The following STK31 variants were observed in gnomAD, a reference collection of about 807,000 sequenced individuals.
STK31 encodes the protein serine/threonine-protein kinase 31.
Under a neutral mutation model 129.7 loss-of-function variants are expected in STK31, and 89 were observed. That is an observed-to-expected ratio of 0.69 (90% confidence interval 0.58 to 0.82). STK31 has a LOEUF of 0.82. Among genes scored for constraint, STK31 ranks in the 40% least tolerant of loss-of-function variants. STK31 has a pLI of 0.00. For synonymous variants in STK31, 448 were observed against 395.3 expected, an observed-to-expected ratio of 1.13 and a Z score of -1.58; for missense variants, 1,187 against 1,176.4, an observed-to-expected ratio of 1.01 and a Z score of -0.13.
At chr7:23,825,211 G>C (rs1255215032) in intron 23 of STK31, among the ~76,000 whole-genome samples, 1 of 152,182 alleles carries the variant, frequency 6.6e-6, no homozygotes, top group South Asian at 2.1e-4. Flanking sequence ...GAATTTAGCT[G>C]TGAATCCATC....
At chr7:23,808,564 G>A (rs913070721) in intron 22 of STK31, among the ~76,000 whole-genome samples, 1 of 152,082 alleles carries the variant, frequency 6.6e-6, no homozygotes, top group Non-Finnish European at 1.5e-5. Flanking sequence ...TGGCTGCTGG[G>A]TGGGAGTGGA....
chr7:23,811,258 G>T, intron 22 of STK31: 1 of 372,572 alleles, frequency 2.7e-6, no homozygotes, highest in South Asian at 2.7e-5. Flanking sequence ...CACCAGTAAA[G>T]GACTGGTAGT....
chr7:23,751,877 G>A (rs140201507), intron 8 of STK31, among the ~76,000 whole-genome samples: 3 of 150,974 alleles, frequency 2.0e-5, no homozygotes, highest in Non-Finnish European at 2.9e-5. Flanking sequence ...ATTAATACAG[G>A]CATATTTGCA....
At chr7:23,787,099 T>C (rs1202948152) in intron 20 of STK31, among the ~76,000 whole-genome samples, 175 bp downstream of exon 20, 2 of 152,154 alleles carry the variant, frequency 1.3e-5, no homozygotes, top group African/African-American at 4.8e-5. Flanking sequence ...AGAAAAAGCG[T>C]TAAAGGGATT....
intron 22 of STK31, among the ~76,000 whole-genome samples, chr7:23,801,501 A>C (rs1227769857): frequency 1.3e-5 from 2 of 150,552 alleles, no homozygotes; most frequent in South Asian, 2.1e-4. Context: ...TTTTCTTTTT[A>C]TTTTCTTTTC....
chr7:23,771,714 T>C (rs1039928104), intron 14 of STK31: 12 of 154,134 alleles, frequency 7.8e-5, no homozygotes, highest in Non-Finnish European at 1.7e-4. Context: ...CATATGTTTG[T>C]GCATAATTTT....
intron 22 of STK31, among the ~76,000 whole-genome samples, chr7:23,807,671 A>T (rs1792793857): frequency 6.6e-6 from 1 of 151,954 alleles, no homozygotes; most frequent in East Asian, 1.9e-4. Flanking sequence ...GACTCTGATT[A>T]TACAAATTTT....
At chr7:23,731,090 G>A (rs1787407364) in intron 6 of STK31, among the ~76,000 whole-genome samples, 1 of 151,278 alleles carries the variant, frequency 6.6e-6, no homozygotes, top group Admixed American at 6.6e-5. Flanking sequence ...CACCATGTTG[G>A]CCAGGCTGGT....
intron 4 of STK31, chr7:23,725,783 T>G (rs541043764): frequency 2.0e-5 from 3 of 152,364 alleles, no homozygotes; most frequent in South Asian, 4.1e-4. Context: ...ATTATACCAA[T>G]TATGTCTTCA....
At chr7:23,805,816 C>CTA (rs1792671952) in intron 22 of STK31, among the ~76,000 whole-genome samples, 1 of 152,142 alleles carries the variant, frequency 6.6e-6, no homozygotes, top group South Asian at 2.1e-4. Flanking sequence ...ATTATTATGT[C>CTA]TCTTTATAAC....
chr7:23,826,727 T>A (rs1218420539), intron 23 of STK31, among the ~76,000 whole-genome samples: 1 of 152,238 alleles, frequency 6.6e-6, no homozygotes, highest in Non-Finnish European at 1.5e-5. Flanking sequence ...GTTTTTGCAG[T>A]GGCTGGTACC....
chr7:23,710,494 C>T lies in STK31; in HGVS notation c.50+159C>T, dbSNP rs756432620. On this transcript the variant is annotated intron_variant, in intron 1 of 23. Coordinates refer to ENST00000355870, the MANE Select transcript of STK31 (RefSeq NM_031414.5). ...CACCCCAGAGGGGTGCCAGATGCCC[C>T]AGTTTTTGAGTGCATGCAGGCAGGC... 4 of 1,500,260 alleles carry T rather than the reference C, an allele frequency of 2.7e-6. No homozygotes were observed. In the Admixed American group the frequency reaches 6.7e-5, roughly 25 times the overall value. The allele number at this position is 1,500,260 out of a possible 1,614,324, so 92.9% of individuals were successfully genotyped here.
chr7:23,712,344 A>T, intron 3 of STK31, 58 bp downstream of exon 3: 5 of 1,500,850 alleles, frequency 3.3e-6, no homozygotes, highest in Non-Finnish European at 4.6e-6. Context: ...TTCCTCCCCA[A>T]CAAAAACAAA....
At chr7:23,823,528 T>G (rs1793920236) in intron 23 of STK31, among the ~76,000 whole-genome samples, 1 of 152,190 alleles carries the variant, frequency 6.6e-6, no homozygotes, top group Admixed American at 6.5e-5. Context: ...TTGCAAAAAT[T>G]TTCTCCCATT....
At chr7:23,829,484 A>G (rs1010001104) in intron 23 of STK31, among the ~76,000 whole-genome samples, 3 of 152,128 alleles carry the variant, frequency 2.0e-5, no homozygotes, top group African/African-American at 4.8e-5. Flanking sequence ...ATGCTAATTA[A>G]TCATGGTGTA....
Position 23,774,421 on chromosome 7 carries a change from C to G in STK31, c.1965+2143C>G, listed in dbSNP as rs1353782440. Among the ~76,000 whole-genome samples, 3 of 152,312 alleles carry G rather than the reference C, an allele frequency of 2.0e-5. No individual in the cohort carries two copies. In the East Asian group the frequency reaches 5.8e-4, roughly 29 times the overall value. On this transcript the variant is annotated intron_variant, in intron 15 of 23. Transcript: ENST00000355870. ...CAACAGTGTAAAAGTGTTCCTATTT[C>G]TCCACATCCTCCCCACTGTCTGTTG... is the stretch of plus-strand genomic sequence containing the variant.
chr7:23,744,470 TTGG>T (rs1383593900), intron 8 of STK31, among the ~76,000 whole-genome samples: 1 of 152,186 alleles, frequency 6.6e-6, no homozygotes, highest in Non-Finnish European at 1.5e-5. Flanking sequence ...TTATGATCTG[TTGG>T]TGGAGAATTA....
At chr7:23,789,665 A>G (rs1211045876) in intron 21 of STK31, among the ~76,000 whole-genome samples, 1 of 152,136 alleles carries the variant, frequency 6.6e-6, no homozygotes, top group East Asian at 1.9e-4. Flanking sequence ...ACATTAGTTT[A>G]ACAAAATTAA....
intron 8 of STK31, among the ~76,000 whole-genome samples, chr7:23,740,080 T>G (rs763507120): frequency 5.3e-5 from 8 of 152,138 alleles, no homozygotes; most frequent in Admixed American, 3.3e-4. Context: ...GCCATTTTCA[T>G]GGTATTGATT....
Sources: allele counts gnomAD v4.1 joint callset (sites outside exome capture counted in the v4.1 genomes callset), GRCh38; gene constraint gnomAD v4.1.1; transcripts MANE v1.5; gene names NCBI Gene and HGNC (gene_info 2026-07-23, HGNC 2026-07-21).